OTOG: variants seen among roughly 807,000 people sequenced by gnomAD.
OTOG encodes otogelin.
OTOG carries 296 observed loss-of-function variants against 313.8 expected under a neutral mutation model. The ratio of observed to expected loss-of-function variants is 0.94; its 90% CI spans 0.86 to 1.04. The LOEUF (loss-of-function observed/expected upper bound fraction) is 1.04, where lower values mean the gene tolerates loss of function less well. OTOG is among the 50% of genes least tolerant of loss of function. The pLI, the probability that OTOG is intolerant of heterozygous loss-of-function variation, is 0.00. For missense variants in OTOG, 3,948 were observed against 3,840.1 expected, an observed-to-expected ratio of 1.03 and a Z score of -0.74; for synonymous variants, 1,533 against 1,554.9, an observed-to-expected ratio of 0.99 and a Z score of 0.33.
At chr11:17,575,204 T>G (rs1309539613) in intron 20 of OTOG, among the ~76,000 whole-genome samples, 1 of 152,190 alleles carries the variant, frequency 6.6e-6, no homozygotes, top group Non-Finnish European at 1.5e-5. Context: ...CCACATAATT[T>G]ATTGACTTTC....
intron 23 of OTOG, among the ~76,000 whole-genome samples, chr11:17,582,380 C>CA (rs1852690040): frequency 6.6e-6 from 1 of 152,044 alleles, no homozygotes; most frequent in South Asian, 2.1e-4. Flanking sequence ...TTTCAAGATT[C>CA]AAAAAAGAAA....
intron 39 of OTOG, among the ~76,000 whole-genome samples, chr11:17,628,703 G>T (rs1222923285): frequency 6.6e-6 from 1 of 152,232 alleles, no homozygotes; most frequent in Non-Finnish European, 1.5e-5. Context: ...GGAAAGCCCA[G>T]AGCAGGGGTA....
rs912979093 is a variant in OTOG, at chr11:17,631,699, C to T, written c.6713-3C>T. On this transcript the variant is annotated splice_region_variant and splice_polypyrimidine_tract_variant and intron_variant, in intron 40 of 55. Coordinates refer to ENST00000399397, the MANE Select transcript of OTOG (RefSeq NM_001292063.2). The stretch of plus-strand genomic sequence containing the variant: ...GCTGTTGGGATTGTTTGGCCCCTTT[C>T]AGGTATCTGTGATGGAGATGCAGCC... 8.4e-6 allele frequency: 13 copies of T among 1,548,778 alleles called. No homozygotes were observed. In the African/African-American group the frequency reaches 1.5e-4, roughly 18 times the overall value.
intron 38 of OTOG, among the ~76,000 whole-genome samples, chr11:17,613,204 T>G (rs865774490): frequency 2.2e-5 from 2 of 92,984 alleles, no homozygotes; most frequent in African/African-American, 5.0e-5. Flanking sequence ...CTTTTCTTTC[T>G]TTCTTTCTTT....
At chr11:17,563,264 T>C (rs539713237) in intron 15 of OTOG, among the ~76,000 whole-genome samples, 2 of 152,340 alleles carry the variant, frequency 1.3e-5, no homozygotes, top group Admixed American at 6.5e-5. Context: ...AAGCTCTTCC[T>C]TGTGCATCAG....
In OTOG at chr11:17,610,354, C is replaced by T. The variant is rs1308911480; in HGVS notation, c.5054C>T (p.Thr1685Ile). 26 of 1,550,674 alleles carry T rather than the reference C, an allele frequency of 1.7e-5. No individual in the cohort carries two copies. Among genetic ancestry groups the T allele is most frequent in the Non-Finnish European group, 2.2e-5 (25 of 1,146,994 alleles). ...AGCAGGACAGGGGTCCCCCAGCCCA[C>T]CCAGGCCCAGAGTGCTTCAAGTCCC... Reference protein sequence around the residue: ...VISRTGVPQPTQAQSASSPST... With the variant: ...VISRTGVPQPIQAQSASSPST... Residue 1685 changes from threonine (T) to isoleucine (I), a missense_variant, in exon 36 of 56, where the codon ACC becomes ATC. By Grantham distance (89) the Thr-to-Ile change is moderately conservative. Transcript: ENST00000399397.
At chr11:17,577,587 C>T (rs927089920) in intron 22 of OTOG, among the ~76,000 whole-genome samples, 1 of 152,174 alleles carries the variant, frequency 6.6e-6, no homozygotes, top group Non-Finnish European at 1.5e-5. Flanking sequence ...CCCACTTTAC[C>T]TCTCTGGGCC....
At position 17,580,093 on chromosome 11, in the gene OTOG, C is replaced by G. The variant is rs1262938822; in HGVS notation, c.2759+1567C>G. 4.6e-5 allele frequency among the ~76,000 whole-genome samples: 7 copies of G among 152,342 alleles called. No individual in the cohort carries two copies. The East Asian group carries it at 1.3e-3, about 29-fold the overall frequency. On this transcript the variant is annotated intron_variant, in intron 23 of 55. Coordinates refer to ENST00000399397, the MANE Select transcript of OTOG (RefSeq NM_001292063.2). ...GGACCCTTGGGACCCATGATCACCT[C>G]TGTGCATGAGAGTTCCGACTGTCTG...
intron 39 of OTOG, among the ~76,000 whole-genome samples, chr11:17,620,289 T>A (rs2134109701): frequency 6.6e-6 from 1 of 152,362 alleles, no homozygotes; most frequent in South Asian, 2.1e-4. Context: ...ATCTGCCTGT[T>A]GCCTCTGGAT....
chr11:17,594,247 A>G (rs1300580148), intron 28 of OTOG, 81 bp downstream of exon 28: 16 of 1,511,198 alleles, frequency 1.1e-5, no homozygotes, highest in Non-Finnish European at 1.3e-5. Context: ...AAGGTCAGGG[A>G]AGAGGGATGC....
At chr11:17,598,132 C>T (rs1853157770) in intron 30 of OTOG, among the ~76,000 whole-genome samples, 1 of 152,180 alleles carries the variant, frequency 6.6e-6, no homozygotes, top group Non-Finnish European at 1.5e-5. Context: ...TGTGCCAGGC[C>T]TTGTGCCTAT....
chr11:17,561,832 C>A, intron 15 of OTOG, 25 bp downstream of exon 15: 1 of 1,549,504 alleles, frequency 6.5e-7, no homozygotes, highest in Non-Finnish European at 8.7e-7. Flanking sequence ...TCCCCAGGCC[C>A]GATCCACCCA....
intron 39 of OTOG, among the ~76,000 whole-genome samples, chr11:17,616,478 A>G (rs1853723829): frequency 6.6e-6 from 1 of 152,198 alleles, no homozygotes; most frequent in African/African-American, 2.4e-5. Context: ...AGAAGAATAA[A>G]TCTTAACACT....
At chr11:17,570,079 C>CGCAGGCAGGCAG in intron 16 of OTOG, 134 bp from the exon 17 acceptor site, 1 of 760,912 alleles carries the variant, frequency 1.3e-6, no homozygotes, top group Non-Finnish European at 2.1e-6. Flanking sequence ...ATGGCAGGCA[C>CGCAGGCAGGCAG]GCAGGCAGGC....
chr11:17,645,842 G>T lies in OTOG; in HGVS notation c.8640G>T (p.Val2880=). The change falls in exon 56 of 56, where the codon GTG becomes GTT. Residue 2880 remains valine, a synonymous_variant. Coordinates refer to ENST00000399397, the MANE Select transcript of OTOG (RefSeq NM_001292063.2). ...YARFCKCCRE[V]GLQRRSVQLF... The stretch of plus-strand genomic sequence containing the variant: ...GATTCTGCAAGTGCTGCCGTGAGGT[G>T]GGCCTGCAGCGGCGCTCTGTGCAGC... 1.3e-6 allele frequency: 2 copies of T among 1,550,992 alleles called. No individual in the cohort carries two copies. Among genetic ancestry groups the T allele is most frequent in the Non-Finnish European group, 1.7e-6 (2 of 1,147,082 alleles).
intron 47 of OTOG, among the ~76,000 whole-genome samples, chr11:17,637,759 T>A (rs969557176): frequency 6.6e-6 from 1 of 152,194 alleles, no homozygotes; most frequent in Non-Finnish European, 1.5e-5. Context: ...TTTGACACCA[T>A]AAAAATGCCC....
At chr11:17,548,934 G>C (rs992751800) in intron 3 of OTOG, among the ~76,000 whole-genome samples, 1 of 152,068 alleles carries the variant, frequency 6.6e-6, no homozygotes, top group Non-Finnish European at 1.5e-5. Flanking sequence ...GCCCAGGCTG[G>C]TCTTGAACTC....
In OTOG at chr11:17,635,022, G is replaced by A. The variant is rs546737995; in HGVS notation, c.7586-58G>A. The A allele has an allele frequency of 3.3e-5, 51 of 1,533,572 alleles. 1 individual carries two copies. In the South Asian group the frequency reaches 5.7e-4, roughly 17 times the overall value. The allele number at this position is 1,533,572 out of a possible 1,614,324, so 95.0% of individuals were successfully genotyped here. A position where few individuals can be genotyped will look rare whatever the true frequency, so the allele number is the denominator to read the frequency against. ...GGGGAGGACAGCTCTGGGGGCAGGG[G>A]CCCAGGGGTGGCCAGGCAGGTTCCT... On this transcript the variant is annotated intron_variant, in intron 45 of 55. Coordinates refer to ENST00000399397, the MANE Select transcript of OTOG (RefSeq NM_001292063.2).
chr11:17,560,951 A>G lies in OTOG; in HGVS notation c.1451+134A>G, dbSNP rs1461728001. 12 of 1,206,978 alleles carry G rather than the reference A, an allele frequency of 9.9e-6. No individual in the cohort carries two copies. The East Asian group carries it at 2.8e-4, about 28-fold the overall frequency. The allele number at this position is 1,206,978 out of a possible 1,614,324, so 74.8% of individuals were successfully genotyped here. ...TACCTTTGAGTCCCAGGGGAGTCTC[A>G]TTAGATCCAATCCATGGGGGAAATC... On this transcript the variant is annotated intron_variant, in intron 13 of 55. Transcript: ENST00000399397.
Sources: allele counts gnomAD v4.1 joint callset (sites outside exome capture counted in the v4.1 genomes callset), GRCh38; gene constraint gnomAD v4.1.1; transcripts MANE v1.5; gene names NCBI Gene and HGNC (gene_info 2026-07-23, HGNC 2026-07-21).